Variants in AOPEP observed in about 807,000 individuals in gnomAD.
AOPEP encodes the protein aminopeptidase O (putative).
In AOPEP, 77 loss-of-function variants were observed where a neutral mutation model predicts 98.1. The observed-to-expected ratio is 0.78, with a 90% CI of 0.65 to 0.95. The LOEUF is 0.95. Ranked by LOEUF, AOPEP falls within the 40% of genes least tolerant of loss-of-function variation. The pLI, the probability that AOPEP is intolerant of heterozygous loss-of-function variation, is 0.00. For synonymous variants in AOPEP, 346 were observed against 365.3 expected, an observed-to-expected ratio of 0.95 and a Z score of 0.60; for missense variants, 1,024 against 1,024.7, an observed-to-expected ratio of 1.00 and a Z score of 0.01.
chr9:94,815,284 G>A (rs1851456447), intron 5 of AOPEP, among the ~76,000 whole-genome samples: 1 of 152,190 alleles, frequency 6.6e-6, no homozygotes, highest in African/African-American at 2.4e-5. Context: ...TTACCATATA[G>A]TTTCCTAGCC....
chr9:95,088,981 G>C (rs2070827856), downstream of AOPEP, among the ~76,000 whole-genome samples: 1 of 152,350 alleles, frequency 6.6e-6, no homozygotes, highest in East Asian at 1.9e-4. Context: ...GCCCGTGCTG[G>C]GGCTGCCCCT....
intron 5 of AOPEP, among the ~76,000 whole-genome samples, chr9:94,911,842 ATTTGTCTGTT>A (rs966195777): frequency 6.6e-6 from 1 of 152,168 alleles, no homozygotes; most frequent in Non-Finnish European, 1.5e-5. Context: ...CTCCCAGGGT[ATTTGTCTGTT>A]TTTAACTTTT....
At position 95,075,348 on chromosome 9, in the gene AOPEP, C is replaced by A. The variant is rs150710713; in HGVS notation, c.2233-5346C>A. 1.4e-3 allele frequency among the ~76,000 whole-genome samples: 214 copies of A among 152,238 alleles called. 1 individual carries two copies. The highest frequency in any genetic ancestry group is 5.0e-3 in the African/African-American group (207 of 41,514). ...TATGTACCCATGAAACATTAAACAT[C>A]AATGAAGAGAACTGAGAAGCCAGAT... On this transcript the variant is annotated intron_variant, in intron 14 of 16. Transcript: ENST00000375315.
chr9:94,790,946 A>G (rs909189847), intron 3 of AOPEP, among the ~76,000 whole-genome samples: 5 of 152,034 alleles, frequency 3.3e-5, no homozygotes, highest in Non-Finnish European at 7.4e-5. Context: ...GAGAAGGAAT[A>G]ATAGCTCCTG....
chr9:94,962,189 A>G (rs556428614), intron 9 of AOPEP, among the ~76,000 whole-genome samples: 2 of 152,256 alleles, frequency 1.3e-5, no homozygotes, highest in African/African-American at 2.4e-5. Context: ...TTCCCTCTCA[A>G]TTAATATTGT....
intron 13 of AOPEP, among the ~76,000 whole-genome samples, chr9:95,023,535 G>A (rs1403292368): frequency 1.3e-5 from 2 of 152,204 alleles, no homozygotes; most frequent in African/African-American, 4.8e-5. Flanking sequence ...GGGAGTTTTA[G>A]TTGAAGTCAC....
chr9:94,815,662 T>C (rs1851552354), intron 5 of AOPEP, among the ~76,000 whole-genome samples: 1 of 152,116 alleles, frequency 6.6e-6, no homozygotes, highest in African/African-American at 2.4e-5. Flanking sequence ...ACAGATCTTA[T>C]CCCAATGTCC....
At chr9:95,115,446 T>C in the AOPEP span, among the ~76,000 whole-genome samples, 1 of 152,348 alleles carries the variant, frequency 6.6e-6, no homozygotes, top group East Asian at 1.9e-4. Context: ...ACTGCCTGAC[T>C]GCTTTCCTAG....
Position 95,082,652 on chromosome 9 carries a change from C to T in AOPEP, c.2397C>T (p.Phe799=), listed in dbSNP as rs755487522. The part of the protein sequence containing the change: ...ARQQQLARRC[F]ERTKEQMDRS... ...AGCAGCAGCTCGCCCGTAGGTGCTT[C>T]GAGCGGACCAAGGAGCAGATGGATA... The change falls in exon 16 of 17, where the codon TTC becomes TTT. Residue 799 remains phenylalanine (F), a synonymous_variant. Transcript: ENST00000375315. 3.7e-5 allele frequency: 59 copies of T among 1,614,108 alleles called. 1 individual carries two copies. The South Asian group carries it at 3.7e-4, about 10-fold the overall frequency.
chr9:95,103,568 T>C, the AOPEP span, among the ~76,000 whole-genome samples: 1 of 151,788 alleles, frequency 6.6e-6, no homozygotes, highest in Non-Finnish European at 1.5e-5. Context: ...CAGGCACAAG[T>C]GAGGGAGCAA....
rs183963347 is a variant in AOPEP, at chr9:94,943,529, G to A, written c.1662-11648G>A. ...GAATTGCTTGAATCTGGGAGATGGAGGTTGCAGTGAGCTGAGATCGTGCCC... is the reference window on the plus strand; with the variant it reads ...GAATTGCTTGAATCTGGGAGATGGAAGTTGCAGTGAGCTGAGATCGTGCCC... On this transcript the variant is annotated intron_variant, in intron 7 of 16. Transcript: ENST00000375315. Among the ~76,000 whole-genome samples, 607 of 151,876 alleles carry A rather than the reference G, an allele frequency of 4.0e-3. 1 individual carries two copies. The highest frequency in any genetic ancestry group is 6.1e-3 in the Non-Finnish European group (416 of 67,958).
At chr9:94,746,902 A>G (rs1834611684) in intron 1 of AOPEP, among the ~76,000 whole-genome samples, 1 of 152,100 alleles carries the variant, frequency 6.6e-6, no homozygotes, top group Non-Finnish European at 1.5e-5. Flanking sequence ...GTTATAATAT[A>G]TAAATCAAGC....
At chr9:95,019,042 A>G (rs982626566) in intron 13 of AOPEP, 3 of 152,238 alleles carry the variant, frequency 2.0e-5, no homozygotes, top group African/African-American at 7.2e-5. Flanking sequence ...ACGTTAAAAA[A>G]AAATCAGGCT....
chr9:94,884,666 C>A (rs116743010), intron 5 of AOPEP, among the ~76,000 whole-genome samples: 2,418 of 152,218 alleles, frequency 0.016, 70 homozygotes, highest in African/African-American at 0.056. Context: ...TACTACCATA[C>A]CTATCTCACA....
chr9:95,035,610 C>T (rs2064746572), intron 13 of AOPEP, among the ~76,000 whole-genome samples: 1 of 143,520 alleles, frequency 7.0e-6, no homozygotes, highest in Non-Finnish European at 1.5e-5. Flanking sequence ...CCTCCGGCTC[C>T]TGGGTTCAAG....
At chr9:94,804,528 AG>A (rs1848839038) in intron 5 of AOPEP, among the ~76,000 whole-genome samples, 1 of 152,148 alleles carries the variant, frequency 6.6e-6, no homozygotes, top group Non-Finnish European at 1.5e-5. Flanking sequence ...GGGAAAATTG[AG>A]GGGAAAAAAA....
chr9:95,006,862 C>T (rs1311933179), intron 13 of AOPEP, among the ~76,000 whole-genome samples: 2 of 150,346 alleles, frequency 1.3e-5, no homozygotes, highest in Non-Finnish European at 2.9e-5. Context: ...AGAATTATGG[C>T]TTGCTTGGTA....
intron 5 of AOPEP, among the ~76,000 whole-genome samples, chr9:94,909,478 T>A (rs2051689129): frequency 6.6e-6 from 1 of 152,148 alleles, no homozygotes; most frequent in South Asian, 2.1e-4. Context: ...CTTTTCTTTG[T>A]TTGTTGTTAT....
At position 94,955,188 on chromosome 9, in the gene AOPEP, A is replaced by G. The variant is rs763337511; in HGVS notation, c.1673A>G (p.Asp558Gly). The change falls in exon 8 of 17, where the codon GAC (aspartate) becomes GGC (glycine). Residue 558 changes from aspartate (D) to glycine (G), a missense_variant. Coordinates refer to ENST00000375315, the MANE Select transcript of AOPEP (RefSeq NM_001193329.3). ...CTAAATCGTTTTAGACCCAGTAAAGACAAAACTGGCCACACAAGTGACTCG... is the reference window on the plus strand; with the variant it reads ...CTAAATCGTTTTAGACCCAGTAAAGGCAAAACTGGCCACACAAGTGACTCG... ...EEMQVLRPSK[D>G]KTGHTSDSGA... The G allele has an allele frequency of 2.5e-6, 4 of 1,611,086 alleles. No individual in the cohort carries two copies. The highest frequency in any genetic ancestry group is 3.4e-6 in the Non-Finnish European group (4 of 1,178,426).
Sources: gnomAD v4.1 joint callset for allele counts (sites outside exome capture counted in the v4.1 genomes callset) on GRCh38, gnomAD v4.1.1 for gene constraint, MANE v1.5 for transcripts, NCBI Gene and HGNC (gene_info 2026-07-23, HGNC 2026-07-21) for gene names.